PIEZO2: variants seen among roughly 807,000 people sequenced by gnomAD.
PIEZO2 encodes the protein piezo-type mechanosensitive ion channel component 2.
In PIEZO2, 172 loss-of-function variants were observed where a neutral mutation model predicts 337.3. The ratio of observed to expected loss-of-function variants is 0.51; its 90% CI spans 0.45 to 0.58. The LOEUF (loss-of-function observed/expected upper bound fraction) is 0.58, where lower values mean the gene tolerates loss of function less well. Ranked by LOEUF, PIEZO2 falls within the 20% of genes least tolerant of loss-of-function variation. PIEZO2 has a pLI of 0.00. For synonymous variants in PIEZO2, 1,251 were observed against 1,228.5 expected (o/e 1.02, Z -0.38); for missense variants, 3,028 against 3,391.3 (o/e 0.89, Z 2.66).
intron 2 of PIEZO2, among the ~76,000 whole-genome samples, chr18:11,040,752 TTAAG>T (rs1437894711): frequency 6.6e-6 from 1 of 152,222 alleles, no homozygotes; most frequent in African/African-American, 2.4e-5. Flanking sequence ...TGGTTTCACA[TTAAG>T]TCAGTTCTTA....
Position 11,013,835 on chromosome 18 carries a change from G to C in PIEZO2, c.161-34175C>G, listed in dbSNP as rs1008735407. Among the ~76,000 whole-genome samples, 3 of 152,330 alleles carry C rather than the reference G, an allele frequency of 2.0e-5. No individual in the cohort carries two copies. The East Asian group carries it at 5.8e-4, about 29-fold the overall frequency. ...CATTACAGAGGCTTTTAATGAGCTG[G>C]AGTGGTGCCCGAAGATTGTGCTGTT... is the stretch of plus-strand genomic sequence containing the variant. On this transcript the variant is annotated intron_variant, in intron 2 of 55. Coordinates refer to ENST00000674853, the MANE Select transcript of PIEZO2 (RefSeq NM_001378183.1).
At chr18:10,892,393 CA>C (rs1217548581) in intron 4 of PIEZO2, among the ~76,000 whole-genome samples, 2 of 152,062 alleles carry the variant, frequency 1.3e-5, no homozygotes, top group African/African-American at 4.8e-5. Flanking sequence ...CCATAGACTC[CA>C]TGATTCCATT....
At chr18:11,103,303 G>A (rs1266568620) in intron 1 of PIEZO2, among the ~76,000 whole-genome samples, 1 of 152,146 alleles carries the variant, frequency 6.6e-6, no homozygotes, top group African/African-American at 2.4e-5. Context: ...AGTTTTAACT[G>A]TCAAACAGGT....
rs1358178869 is a variant in PIEZO2 at position 10,856,972 on chromosome 18, T to G, written c.703+29A>C. 4.6e-6 allele frequency: 7 copies of G among 1,530,534 alleles called. No homozygotes were observed. Among genetic ancestry groups the G allele is most frequent in the Non-Finnish European group, 6.1e-6 (7 of 1,141,078 alleles). The allele number at this position is 1,530,534 out of a possible 1,614,324, so 94.8% of individuals were successfully genotyped here. A position where few individuals can be genotyped will look rare whatever the true frequency, so the allele number is the denominator to read the frequency against. ...CCAAAGCACTGCTTGTGCCTTTTGCTACGTGCAGCCAGTGTGGGAGACACT... is the reference window on the plus strand; with the variant it reads ...CCAAAGCACTGCTTGTGCCTTTTGCGACGTGCAGCCAGTGTGGGAGACACT... On this transcript the variant is annotated intron_variant, in intron 6 of 55. Coordinates refer to ENST00000674853, the MANE Select transcript of PIEZO2 (RefSeq NM_001378183.1). This position sits in a 1 kb window ranked among gnomAD's most constrained non-coding sequence, Gnocchi z 4.7.
intron 3 of PIEZO2, among the ~76,000 whole-genome samples, chr18:10,977,301 CATAT>C (rs111865766): frequency 6.2e-5 from 9 of 145,630 alleles, no homozygotes; most frequent in African/African-American, 1.3e-4. Flanking sequence ...GAATAAGTTA[CATAT>C]ATATATATAT....
chr18:11,023,779 C>T (rs528665572), intron 2 of PIEZO2, among the ~76,000 whole-genome samples: 24 of 152,330 alleles, frequency 1.6e-4, no homozygotes, highest in African/African-American at 5.0e-4. Context: ...CTGCAGGTCC[C>T]GAACCCTGCC....
intron 1 of PIEZO2, among the ~76,000 whole-genome samples, chr18:11,106,547 A>T (rs1473028292): frequency 2.0e-5 from 3 of 151,004 alleles, no homozygotes; most frequent in Non-Finnish European, 4.4e-5. Context: ...ATCTGGGACC[A>T]CAACCACGCA....
Position 11,028,266 on chromosome 18 carries a change from T to TA in PIEZO2, c.160+37860_160+37861insT, listed in dbSNP as rs573261373. 3.3e-3 allele frequency among the ~76,000 whole-genome samples: 477 copies of TA among 144,914 alleles called. 2 individuals are homozygous for TA. Among genetic ancestry groups the TA allele is most frequent in the African/African-American group, 0.013 (450 of 35,940 alleles). On this transcript the variant is annotated intron_variant, in intron 2 of 55. Coordinates refer to ENST00000674853, the MANE Select transcript of PIEZO2 (RefSeq NM_001378183.1). This position sits in a 1 kb window ranked among gnomAD's most constrained non-coding sequence, Gnocchi z 4.8. ...CTTCTTCTTCTTTATTTTTTATTAT[T>TA]TTTTTTTATTTTTTGAGACAGAGTC... is the stretch of plus-strand genomic sequence containing the variant.
In PIEZO2 at chr18:10,997,209, G is replaced by A. The variant is rs182376813; in HGVS notation, c.161-17549C>T. The stretch of plus-strand genomic sequence containing the variant: ...ACCACTACTCAGAGAGTGAGACAAA[G>A]CTTTCAGCCTGAGACCAACCAGATT... On this transcript the variant is annotated intron_variant, in intron 2 of 55. Transcript: ENST00000674853. Among the ~76,000 whole-genome samples, 23 of 150,566 alleles carry A rather than the reference G, an allele frequency of 1.5e-4. 1 individual carries two copies. The highest frequency in any genetic ancestry group is 1.5e-3 in the Admixed American group (23 of 15,092).
intron 38 of PIEZO2, among the ~76,000 whole-genome samples, chr18:10,715,309 C>T (rs977532719): frequency 6.6e-6 from 1 of 152,080 alleles, no homozygotes; most frequent in Non-Finnish European, 1.5e-5. Context: ...AAACAAACAC[C>T]ACTTTCTACA....
At chr18:10,742,934 G>C (rs2037283534) in intron 31 of PIEZO2, among the ~76,000 whole-genome samples, 1 of 151,948 alleles carries the variant, frequency 6.6e-6, no homozygotes, top group African/African-American at 2.4e-5. Flanking sequence ...CTCACATCTT[G>C]TATCATAGCC....
rs111933963 is a variant in PIEZO2 at position 10,725,230 on chromosome 18, G to T, written c.5029+6177C>A. ...TGTTCTGGAGAAGTTTGGAACCTAC[G>T]AACACTTTGAGGCTGCCACCGGCAG... is the stretch of plus-strand genomic sequence containing the variant. On this transcript the variant is annotated intron_variant, in intron 36 of 55. Coordinates refer to ENST00000674853, the MANE Select transcript of PIEZO2 (RefSeq NM_001378183.1). 33 of 1,567,954 alleles carry T rather than the reference G, an allele frequency of 2.1e-5. 1 individual carries two copies. The Middle Eastern group carries it at 1.5e-3, about 72-fold the overall frequency.
chr18:10,842,875 C>T (rs1055403055), intron 7 of PIEZO2, among the ~76,000 whole-genome samples: 5 of 152,172 alleles, frequency 3.3e-5, no homozygotes, highest in African/African-American at 7.2e-5. Context: ...TTTATTAAAA[C>T]GTTTGTCAAG....
intron 3 of PIEZO2, among the ~76,000 whole-genome samples, chr18:10,939,550 A>T (rs2032608242): frequency 6.6e-6 from 1 of 152,246 alleles, no homozygotes; most frequent in Non-Finnish European, 1.5e-5. Flanking sequence ...GGATAAAGAA[A>T]ATGTGGCATA....
intron 39 of PIEZO2, 122 bp downstream of exon 39, chr18:10,714,642 A>G: frequency 9.3e-7 from 1 of 1,076,750 alleles, no homozygotes; most frequent in Non-Finnish European, 1.3e-6. Context: ...CAGCTGGAAG[A>G]GGGTGGGGGT....
Position 10,699,189 on chromosome 18 carries a change from G to A in PIEZO2, c.6442-12C>T. The A allele has an allele frequency of 6.5e-7, 1 of 1,537,152 alleles. No homozygotes were observed. The highest frequency in any genetic ancestry group is 1.2e-5 in the South Asian group (1 of 84,030). On this transcript the variant is annotated splice_polypyrimidine_tract_variant and intron_variant, in intron 43 of 55. Transcript: ENST00000674853. ...CATAAGCCATGGCACTGAGAAAGCA[G>A]GGACAGGGACAAATGAGGCTACTGT...
At chr18:11,091,921 C>A (rs555438250) in intron 1 of PIEZO2, among the ~76,000 whole-genome samples, 1 of 152,180 alleles carries the variant, frequency 6.6e-6, no homozygotes, top group Non-Finnish European at 1.5e-5. Context: ...CGCTTTCACA[C>A]GACAACCTCC....
In PIEZO2 at chr18:10,673,471, T is replaced by G. The variant is rs1445903423; in HGVS notation, c.8162-598A>C. On this transcript the variant is annotated intron_variant, in intron 54 of 55. Transcript: ENST00000674853. This position sits in a 1 kb window ranked among gnomAD's most constrained non-coding sequence, Gnocchi z 4.8. Reference sequence around the variant, plus strand: ...GGTGCTTCACAGAGGAGATAACTTCTGAGCTGAGATTCGCCAAGTGAGAAC... The same window carrying G: ...GGTGCTTCACAGAGGAGATAACTTCGGAGCTGAGATTCGCCAAGTGAGAAC... 6.6e-6 allele frequency among the ~76,000 whole-genome samples: 1 copy of G among 152,170 alleles called. No homozygotes were observed. Among genetic ancestry groups the G allele is most frequent in the Non-Finnish European group, 1.5e-5 (1 of 68,030 alleles).
In PIEZO2 at chr18:11,083,899, G is replaced by A. The variant is rs528263127; in HGVS notation, c.65-17677C>T. 5.9e-5 allele frequency among the ~76,000 whole-genome samples: 9 copies of A among 152,110 alleles called. No individual in the cohort carries two copies. Among genetic ancestry groups the A allele is most frequent in the African/African-American group, 1.2e-4 (5 of 41,436 alleles). ...TTCAATTAAGAGAAAGGAGAGGGCC[G>A]GGAGTGGGGGCTCATGCCTGTTATC... On this transcript the variant is annotated intron_variant, in intron 1 of 55. Coordinates refer to ENST00000674853, the MANE Select transcript of PIEZO2 (RefSeq NM_001378183.1). The surrounding 1 kb of genome is among the most constrained non-coding windows in gnomAD (Gnocchi z 4.4).
Sources: allele counts gnomAD v4.1 joint callset (sites outside exome capture counted in the v4.1 genomes callset), GRCh38; gene constraint gnomAD v4.1.1; non-coding constraint Gnocchi (gnomAD v3.1); transcripts MANE v1.5; gene names NCBI Gene and HGNC (gene_info 2026-07-23, HGNC 2026-07-21).